SLTM: variants seen among roughly 807,000 people sequenced by gnomAD.
The protein encoded by SLTM is SAFB like transcription modulator, also known as SAFB-like transcription modulator.
In SLTM, 43 loss-of-function variants were observed where a neutral mutation model predicts 134.6. That is an observed-to-expected ratio of 0.32 (90% CI 0.25 to 0.41). SLTM has a LOEUF of 0.41. SLTM is among the 10% of genes least tolerant of loss of function. The probability of loss-of-function intolerance (pLI) is 1.00; values close to 1 mark genes in which losing one functional copy is unlikely to be tolerated. For missense variants in SLTM, 1,055 were observed against 1,288.8 expected (o/e 0.82, Z 2.78); for synonymous variants, 424 against 432.3 (o/e 0.98, Z 0.24).
intron 8 of SLTM, chr15:58,898,154 T>C (rs1195575143): frequency 2.6e-5 from 4 of 152,142 alleles, no homozygotes; most frequent in Non-Finnish European, 4.4e-5. Flanking sequence ...GGAGGATGCA[T>C]ACAATTCTCC....
intron 2 of SLTM, among the ~76,000 whole-genome samples, chr15:58,928,424 A>G (rs1169378872): frequency 1.3e-5 from 2 of 152,146 alleles, no homozygotes; most frequent in African/African-American, 4.8e-5. Context: ...GAGTGTGAAG[A>G]CTCAGGAAAG....
chr15:58,883,499 G>A, intron 20 of SLTM, 127 bp downstream of exon 20: 2 of 1,236,892 alleles, frequency 1.6e-6, no homozygotes, highest in South Asian at 2.7e-5. Context: ...GGTTGATACA[G>A]GGAAATGTTC....
At chr15:58,916,174 C>CT (rs2036630624) in intron 3 of SLTM, among the ~76,000 whole-genome samples, 1 of 93,992 alleles carries the variant, frequency 1.1e-5, no homozygotes, top group African/African-American at 2.9e-5. Context: ...ATCTCTCTCT[C>CT]TCTCTTTTTT....
rs1240013398 is a variant in SLTM at position 58,892,883 on chromosome 15, G to A, written c.1898+14C>T. 6.2e-7 allele frequency: 1 copy of A among 1,609,028 alleles called. No homozygotes were observed. Among genetic ancestry groups the A allele is most frequent in the East Asian group, 2.2e-5 (1 of 44,828 alleles). On this transcript the variant is annotated intron_variant, in intron 14 of 20. Transcript: ENST00000380516. ...TATATTTAAAGACAGGTATAAAACA[G>A]ACTCTCTTCCTACCTTCGAAGTTCC...
At position 58,888,362 on chromosome 15, in the gene SLTM, A is replaced by G. The variant is rs767346597; in HGVS notation, c.2375+23T>C. 13 of 1,561,266 alleles carry G rather than the reference A, an allele frequency of 8.3e-6. No individual in the cohort carries two copies. In the East Asian group the frequency reaches 1.6e-4, roughly 19 times the overall value. Reference sequence around the variant, plus strand: ...CACTAGCAAGGCTCATAAAATAAATATAACAATTTTCAACATATCTACCTT... The same window carrying G: ...CACTAGCAAGGCTCATAAAATAAATGTAACAATTTTCAACATATCTACCTT... On this transcript the variant is annotated intron_variant, in intron 17 of 20. Transcript: ENST00000380516.
chr15:58,919,647 A>G (rs955399417), intron 2 of SLTM, among the ~76,000 whole-genome samples: 10 of 152,052 alleles, frequency 6.6e-5, no homozygotes, highest in African/African-American at 2.4e-4. Context: ...AAATAAACCA[A>G]AACATCAAAT....
intron 5 of SLTM, among the ~76,000 whole-genome samples, chr15:58,901,902 AAAG>A (rs1246020771): frequency 1.3e-5 from 2 of 152,306 alleles, no homozygotes; most frequent in African/African-American, 2.4e-5. Context: ...AAAAAAAAAA[AAAG>A]TTCATAGTTG....
intron 5 of SLTM, among the ~76,000 whole-genome samples, chr15:58,904,650 G>A (rs1202851399): frequency 6.6e-6 from 1 of 151,538 alleles, no homozygotes; most frequent in Non-Finnish European, 1.5e-5. Context: ...GGGTTCCAGG[G>A]ATTCTCATGC....
chr15:58,903,614 C>G (rs2035646922), intron 5 of SLTM, among the ~76,000 whole-genome samples: 2 of 151,634 alleles, frequency 1.3e-5, no homozygotes, highest in South Asian at 4.2e-4. Flanking sequence ...GTGCAGCACA[C>G]CAACATGGCA....
intron 7 of SLTM, 30 bp from the exon 8 acceptor site, chr15:58,898,882 G>GAAAAA: frequency 6.3e-7 from 1 of 1,582,198 alleles, no homozygotes; most frequent in Admixed American, 1.8e-5. Flanking sequence ...GAAGAAAATT[G>GAAAAA]AAAACAAAAA....
At chr15:58,893,224 A>G (rs1183775292) in intron 13 of SLTM, 55 bp downstream of exon 13, 1 of 1,491,552 alleles carries the variant, frequency 6.7e-7, no homozygotes. Context: ...AAACAGAATT[A>G]TCTTCTTTTG....
At chr15:58,908,868 G>C (rs1166670693) in intron 5 of SLTM, among the ~76,000 whole-genome samples, 1 of 152,240 alleles carries the variant, frequency 6.6e-6, no homozygotes, top group Admixed American at 6.5e-5. Flanking sequence ...ATTGGTGGTA[G>C]TGTTGGTATT....
chr15:58,930,732 A>G (rs1164219905), intron 2 of SLTM, among the ~76,000 whole-genome samples: 1 of 148,294 alleles, frequency 6.7e-6, no homozygotes, highest in Non-Finnish European at 1.5e-5. Context: ...TATATCATAT[A>G]TGATATATAT....
At chr15:58,890,552 G>T in intron 14 of SLTM, 91 bp from the exon 15 acceptor site, 1 of 1,344,678 alleles carries the variant, frequency 7.4e-7, no homozygotes, top group Non-Finnish European at 1.0e-6. Context: ...CTTGAGGTTG[G>T]CAATTTTAAA....
Position 58,888,518 on chromosome 15 carries a change from A to T in SLTM, c.2242T>A (p.Ser748Thr), listed in dbSNP as rs1433219074. 2 of 1,614,094 alleles carry T rather than the reference A, an allele frequency of 1.2e-6. No homozygotes were observed. The highest frequency in any genetic ancestry group is 1.7e-5 in the Admixed American group (1 of 60,002). ...CCAAATCGTGCATCTGTATCTAGAG[A>T]CAACTTTTTATTCTCGCTCCAGTAA... is the stretch of plus-strand genomic sequence containing the variant. ...DPYWSENKKL[S>T]LDTDARFGHG... The change falls in exon 17 of 21, where the codon TCT (serine) becomes ACT (threonine). Residue 748 changes from serine to threonine, a missense_variant. By Grantham distance (58) the Ser-to-Thr change is moderately conservative. Coordinates refer to ENST00000380516, the MANE Select transcript of SLTM (RefSeq NM_024755.4).
At chr15:58,919,075 C>T (rs2036842228) in intron 2 of SLTM, among the ~76,000 whole-genome samples, 1 of 152,046 alleles carries the variant, frequency 6.6e-6, no homozygotes, top group African/African-American at 2.4e-5. Context: ...CCATACATGG[C>T]TAATGTTTTG....
At chr15:58,933,297 G>A (rs998840677) in intron 1 of SLTM, 107 bp downstream of exon 1, 1 of 1,281,758 alleles carries the variant, frequency 7.8e-7, no homozygotes, top group Non-Finnish European at 1.0e-6. Context: ...ATGCCGTTCC[G>A]CAGGTCCCAG....
chr15:58,889,213 A>C, intron 16 of SLTM: 1 of 464,976 alleles, frequency 2.2e-6, no homozygotes, highest in Middle Eastern at 6.2e-4. Context: ...GTCATAATGA[A>C]AAACATTTGG....
chr15:58,887,273 G>A lies in SLTM; in HGVS notation c.2643C>T (p.Thr881=), dbSNP rs778765480. Residue 881 remains threonine, a synonymous_variant, in exon 18 of 21, where the codon ACC becomes ACT. Transcript: ENST00000380516. The part of the protein sequence containing the change: ...REAGPNPSRP[T]SWKSEGSMST... ...ACATGCTTCCTTCACTTTTCCAGCT[G>A]GTGGGTCTGGAAGGATTGGGCCCTG... The A allele has an allele frequency of 6.2e-7, 1 of 1,614,150 alleles. No individual in the cohort carries two copies. Among genetic ancestry groups the A allele is most frequent in the Non-Finnish European group, 8.5e-7 (1 of 1,180,018 alleles).
Sources: allele counts gnomAD v4.1 joint callset (sites outside exome capture counted in the v4.1 genomes callset), GRCh38; gene constraint gnomAD v4.1.1; transcripts MANE v1.5; gene names NCBI Gene and HGNC (gene_info 2026-07-23, HGNC 2026-07-21).